The following LRRN2 variants were observed in gnomAD, a reference collection of about 807,000 sequenced individuals.
LRRN2 encodes leucine rich repeat neuronal 2, also known as leucine-rich repeat neuronal protein 2.
Under a neutral mutation model 35.7 loss-of-function variants are expected in LRRN2, and 10 were observed. The observed-to-expected ratio is 0.28, with a 90% CI of 0.17 to 0.47. The LOEUF (loss-of-function observed/expected upper bound fraction) is 0.47. LRRN2 is among the 20% of genes least tolerant of loss of function. LRRN2 has a pLI of 0.99. For synonymous variants in LRRN2, 391 were observed against 409.6 expected (o/e 0.95, Z 0.55); for missense variants, 731 against 940.3 (o/e 0.78, Z 2.91).
intron 1 of LRRN2, among the ~76,000 whole-genome samples, chr1:204,632,710 T>A (rs1480063431): frequency 6.7e-6 from 1 of 150,286 alleles, no homozygotes; most frequent in East Asian, 2.0e-4. Context: ...GGCGGGCGGA[T>A]CACAAGGTCA....
chr1:204,674,402 T>C (rs923335373), intron 1 of LRRN2, among the ~76,000 whole-genome samples: 1 of 151,270 alleles, frequency 6.6e-6, no homozygotes, highest in Non-Finnish European at 1.5e-5. Context: ...GAACGGCAAA[T>C]GTGAGGTTGC....
At chr1:204,649,915 A>G (rs1005114962) in intron 1 of LRRN2, among the ~76,000 whole-genome samples, 1 of 152,166 alleles carries the variant, frequency 6.6e-6, no homozygotes, top group Non-Finnish European at 1.5e-5. Flanking sequence ...GTCCCCAGAG[A>G]CTGTGCAGCC....
chr1:204,641,757 G>A (rs1040480540), intron 1 of LRRN2, among the ~76,000 whole-genome samples: 2 of 152,262 alleles, frequency 1.3e-5, no homozygotes, highest in African/African-American at 4.8e-5. Flanking sequence ...CTACCTGGCT[G>A]TGAGAGAGCC....
chr1:204,659,204 A>G (rs1668418515), intron 1 of LRRN2, among the ~76,000 whole-genome samples: 1 of 152,222 alleles, frequency 6.6e-6, no homozygotes, highest in Non-Finnish European at 1.5e-5. Context: ...ATGAAGGGCT[A>G]TGATGTATCC....
At chr1:204,648,339 A>G (rs1170771797) in intron 1 of LRRN2, among the ~76,000 whole-genome samples, 1 of 152,196 alleles carries the variant, frequency 6.6e-6, no homozygotes, top group Non-Finnish European at 1.5e-5. Context: ...GGTACATCTC[A>G]ATGCCAAATC....
intron 1 of LRRN2, among the ~76,000 whole-genome samples, chr1:204,666,074 G>A (rs936262173): frequency 2.6e-5 from 4 of 152,164 alleles, no homozygotes; most frequent in Admixed American, 2.0e-4. Flanking sequence ...CTGCAAATTC[G>A]ATGCAAAATA....
intron 1 of LRRN2, among the ~76,000 whole-genome samples, chr1:204,647,962 G>A (rs539471852): frequency 8.5e-5 from 13 of 152,328 alleles, no homozygotes; most frequent in African/African-American, 3.1e-4. Flanking sequence ...AACTTCACCT[G>A]TTTCTTTTTG....
intron 1 of LRRN2, chr1:204,621,470 G>A (rs1188828307): frequency 4.8e-5 from 8 of 167,200 alleles, no homozygotes; most frequent in Admixed American, 1.3e-4. Flanking sequence ...TGCTCTTGCA[G>A]TACTCATGCT....
At position 204,619,663 on chromosome 1, in the gene LRRN2, G is replaced by A; in HGVS notation, c.330C>T (p.Asp110=). 2 of 1,614,230 alleles carry A rather than the reference G, an allele frequency of 1.2e-6. No individual in the cohort carries two copies. The highest frequency in any genetic ancestry group is 1.7e-6 in the Non-Finnish European group (2 of 1,180,032). ...GCTGGGGCAGGGCATGGAAATCACA[G>A]TCTCGGGCATCCGAAAAGCTGTTCT... ...LSQNSFSDAR[D]CDFHALPQLL... Residue 110 remains aspartate, a synonymous_variant, in exon 2 of 2, where the codon GAC becomes GAT. Transcript: ENST00000367177.
intron 1 of LRRN2, among the ~76,000 whole-genome samples, chr1:204,659,360 G>A (rs1365963966): frequency 6.6e-6 from 1 of 152,144 alleles, no homozygotes; most frequent in Non-Finnish European, 1.5e-5. Context: ...TGGAGACAGG[G>A]CCACACTTAC....
chr1:204,665,334 T>G (rs1285877556), intron 1 of LRRN2, among the ~76,000 whole-genome samples: 1 of 152,274 alleles, frequency 6.6e-6, no homozygotes. Context: ...AGACAGGTTC[T>G]CCTCCTGTCA....
At chr1:204,662,942 G>T (rs1005237940) in intron 1 of LRRN2, among the ~76,000 whole-genome samples, 2 of 152,156 alleles carry the variant, frequency 1.3e-5, no homozygotes, top group African/African-American at 4.8e-5. Flanking sequence ...AAAAAAAAAG[G>T]CCTCAGAAGG....
chr1:204,656,151 T>C (rs1228121863), intron 1 of LRRN2, among the ~76,000 whole-genome samples: 2 of 152,070 alleles, frequency 1.3e-5, no homozygotes, highest in East Asian at 1.9e-4. Context: ...CCTCATGATC[T>C]GCCCGCCTCA....
chr1:204,619,138 C>T lies in LRRN2; in HGVS notation c.855G>A (p.Leu285=). The change falls in exon 2 of 2, where the codon CTG becomes CTA. Residue 285 remains leucine (L), a synonymous_variant. Coordinates refer to ENST00000367177, the MANE Select transcript of LRRN2 (RefSeq NM_201630.2). The stretch of plus-strand genomic sequence containing the variant: ...TGTTCAGTCCCAGCTCCTTAAGGTG[C>T]AGCATGTTGGCAAAGTCCCCCGGCC... The part of the protein sequence containing the change: ...RVGPGDFANM[L]HLKELGLNNM... The T allele has an allele frequency of 6.2e-7, 1 of 1,613,716 alleles. No individual in the cohort carries two copies. The highest frequency in any genetic ancestry group is 8.5e-7 in the Non-Finnish European group (1 of 1,179,876).
rs767887975 is a variant in LRRN2, at chr1:204,619,906, G to A, written c.87C>T (p.Cys29=). Residue 29 remains cysteine (C), a synonymous_variant, in exon 2 of 2, where the codon TGC becomes TGT. Transcript: ENST00000367177. ...GGATCTGGCAGGCACACTGAGGGGG[G>A]CAGGGAACATGCCAGGGTACCACGG... ...AVPVVPWHVP[C]PPQCACQIRP... The A allele has an allele frequency of 1.2e-6, 2 of 1,613,872 alleles. No homozygotes were observed. The highest frequency in any genetic ancestry group is 1.7e-5 in the Admixed American group (1 of 60,008).
chr1:204,657,122 G>A (rs1352289269), intron 1 of LRRN2, among the ~76,000 whole-genome samples: 1 of 152,088 alleles, frequency 6.6e-6, no homozygotes, highest in East Asian at 1.9e-4. Context: ...TGGCCAACAC[G>A]GCGAAACCCC....
rs189969235 is a variant in LRRN2, at chr1:204,677,119, G to A, written c.-227+8201C>T. Among the ~76,000 whole-genome samples the A allele has an allele frequency of 1.0e-3, 154 of 152,342 alleles. 2 individuals are homozygous for A. Among genetic ancestry groups the A allele is most frequent in the Non-Finnish European group, 1.5e-3 (102 of 68,032 alleles). On this transcript the variant is annotated intron_variant, in intron 1 of 1. Coordinates refer to ENST00000367177, the MANE Select transcript of LRRN2 (RefSeq NM_201630.2). ...GTTATTAACTCAGATTTACAGATGA[G>A]GAAACTGAGGCTCGGAAAGGTTAAG...
In LRRN2 at chr1:204,631,256, CTATATATATATATATATATATATATA is replaced by C. The variant is rs1162626713; in HGVS notation, c.-226-11064_-226-11039del. Among the ~76,000 whole-genome samples, 22 of 36,910 alleles carry C rather than the reference CTATATATATATATATATATATATATA, an allele frequency of 6.0e-4. 1 individual carries two copies. Among genetic ancestry groups the C allele is most frequent in the South Asian group, 1.1e-3 (1 of 938 alleles). 24.2% of individuals were successfully genotyped at this position (36,910 alleles called of 152,430 possible). ...CAAGAAGAGTGATACCTAGAGTGTT[CTATATATATATATATATATATATATA>C]TATATATATATATATATATATGAAG... On this transcript the variant is annotated intron_variant, in intron 1 of 1. Transcript: ENST00000367177.
At chr1:204,643,115 T>G (rs1310910026) in intron 1 of LRRN2, among the ~76,000 whole-genome samples, 1 of 152,224 alleles carries the variant, frequency 6.6e-6, no homozygotes, top group African/African-American at 2.4e-5. Context: ...CAACACACTC[T>G]TCTAAAACAA....
Sources: gnomAD v4.1 joint callset for allele counts (sites outside exome capture counted in the v4.1 genomes callset) on GRCh38, gnomAD v4.1.1 for gene constraint, MANE v1.5 for transcripts, NCBI Gene and HGNC (gene_info 2026-07-23, HGNC 2026-07-21) for gene names.